DCHS2: variants seen among roughly 807,000 people sequenced by gnomAD.
DCHS2 encodes the protein dachsous cadherin-related 2.
Under a neutral mutation model 182.4 loss-of-function variants are expected in DCHS2, and 142 were observed. The observed-to-expected ratio is 0.78, with a 90% CI of 0.68 to 0.89. DCHS2 has a LOEUF of 0.89. Ranked by LOEUF, DCHS2 falls within the 40% of genes least tolerant of loss-of-function variation. The probability of loss-of-function intolerance (pLI) is 0.00; values close to 1 mark genes in which losing one functional copy is unlikely to be tolerated. For synonymous variants in DCHS2, 1,740 were observed against 1,663.3 expected (o/e 1.05, Z -1.12); for missense variants, 4,319 against 4,198.6 (o/e 1.03, Z -0.79).
At chr4:154,460,000 A>G (rs1734946927) in intron 1 of DCHS2, among the ~76,000 whole-genome samples, 1 of 152,144 alleles carries the variant, frequency 6.6e-6, no homozygotes, top group Admixed American at 6.5e-5. Context: ...CTGCATTGTA[A>G]CCAATATTAT....
intron 17 of DCHS2, among the ~76,000 whole-genome samples, chr4:154,241,599 A>C (rs1483822931): frequency 6.6e-6 from 1 of 152,138 alleles, no homozygotes; most frequent in Non-Finnish European, 1.5e-5. Context: ...TTGTATATGA[A>C]ACCCATAATT....
At chr4:154,251,820 G>C (rs1245557080) in intron 16 of DCHS2, among the ~76,000 whole-genome samples, 1 of 152,068 alleles carries the variant, frequency 6.6e-6, no homozygotes, top group Non-Finnish European at 1.5e-5. Context: ...CACCTGGCCA[G>C]GACTCGATTT....
chr4:154,399,225 C>A (rs1732056641), intron 1 of DCHS2, among the ~76,000 whole-genome samples: 1 of 152,166 alleles, frequency 6.6e-6, no homozygotes, highest in Non-Finnish European at 1.5e-5. Context: ...TTCCCAGAAC[C>A]TTTAAGAATA....
chr4:154,424,274 A>G (rs964662489), intron 1 of DCHS2, among the ~76,000 whole-genome samples: 1 of 152,224 alleles, frequency 6.6e-6, no homozygotes, highest in Non-Finnish European at 1.5e-5. Flanking sequence ...TATAAGTACA[A>G]TACGTTACTA....
At chr4:154,336,915 G>A (rs1244228951) in intron 3 of DCHS2, among the ~76,000 whole-genome samples, 1 of 152,104 alleles carries the variant, frequency 6.6e-6, no homozygotes, top group Admixed American at 6.5e-5. Context: ...GATAACCAAA[G>A]TGAACAAACT....
At chr4:154,453,593 T>C (rs1173245226) in intron 1 of DCHS2, among the ~76,000 whole-genome samples, 1 of 152,164 alleles carries the variant, frequency 6.6e-6, no homozygotes, top group Non-Finnish European at 1.5e-5. Context: ...CAGTCTTTGC[T>C]GTAGAGGACC....
intron 10 of DCHS2, among the ~76,000 whole-genome samples, chr4:154,308,604 A>T (rs1169460425): frequency 6.6e-6 from 1 of 152,220 alleles, no homozygotes; most frequent in African/African-American, 2.4e-5. Flanking sequence ...CTAGAGTGGA[A>T]GATGATTAAA....
At chr4:154,448,008 C>T (rs1286593927) in intron 1 of DCHS2, among the ~76,000 whole-genome samples, 1 of 152,154 alleles carries the variant, frequency 6.6e-6, no homozygotes, top group African/African-American at 2.4e-5. Context: ...TTCAAACTAC[C>T]TCAGTCCTGT....
intron 4 of DCHS2, 138 bp from the exon 5 acceptor site, chr4:154,333,632 T>A (rs571064843): frequency 1.2e-6 from 1 of 820,902 alleles, no homozygotes; most frequent in South Asian, 1.9e-5. Context: ...CTATGATGGT[T>A]CCGTAAGATT....
chr4:154,318,352 G>A (rs1267499547), intron 9 of DCHS2, among the ~76,000 whole-genome samples: 1 of 151,796 alleles, frequency 6.6e-6, no homozygotes, highest in Non-Finnish European at 1.5e-5. Flanking sequence ...TTAAATATAA[G>A]CAAGCGATGA....
chr4:154,399,439 G>A (rs2110867410), intron 1 of DCHS2, among the ~76,000 whole-genome samples: 1 of 152,312 alleles, frequency 6.6e-6, no homozygotes, highest in East Asian at 1.9e-4. Flanking sequence ...TCTGAGACAT[G>A]CCTCACTGGT....
intron 14 of DCHS2, chr4:154,261,773 T>C (rs1732997379): frequency 6.6e-6 from 1 of 152,242 alleles, no homozygotes; most frequent in Non-Finnish European, 1.5e-5. Context: ...AATTTAGTTA[T>C]CAATTTAGTA....
chr4:154,319,267 G>T (rs1735965423), intron 9 of DCHS2, among the ~76,000 whole-genome samples: 1 of 152,040 alleles, frequency 6.6e-6, no homozygotes, highest in Non-Finnish European at 1.5e-5. Flanking sequence ...AGAGGGGAAA[G>T]CTTTGTGAAG....
intron 13 of DCHS2, among the ~76,000 whole-genome samples, chr4:154,290,880 G>A (rs951946772): frequency 6.6e-6 from 1 of 151,990 alleles, no homozygotes; most frequent in African/African-American, 2.4e-5. Flanking sequence ...TGGAGTGGGA[G>A]TAGATTTCTT....
Position 154,234,866 on chromosome 4 carries a change from C to A in DCHS2, c.9786G>T (p.Leu3262Phe), listed in dbSNP as rs146840391. 10 of 1,613,930 alleles carry A rather than the reference C, an allele frequency of 6.2e-6. No individual in the cohort carries two copies. In the African/African-American group the frequency reaches 1.3e-4, roughly 22 times the overall value. ...TCTCTTTTGGAATGCCAGGCATATGCAAATGTTCATCCTTTAGTTTTGCAA... is the reference window on the plus strand; with the variant it reads ...TCTCTTTTGGAATGCCAGGCATATGAAAATGTTCATCCTTTAGTTTTGCAA... ...NDIAKLKDEH[L>F]HMPGIPKEKK... is the part of the protein sequence containing the mutation. The change falls in exon 20 of 20, where the codon TTG (leucine) becomes TTT (phenylalanine). Residue 3262 changes from leucine to phenylalanine, a missense_variant. Coordinates refer to ENST00000357232, the MANE Select transcript of DCHS2 (RefSeq NM_001358235.2).
intron 3 of DCHS2, among the ~76,000 whole-genome samples, chr4:154,338,772 T>A: frequency 6.6e-6 from 1 of 152,134 alleles, no homozygotes; most frequent in East Asian, 1.9e-4. Context: ...AATATACATG[T>A]TTTCATCTAG....
chr4:154,237,970 A>T (rs370028284), intron 19 of DCHS2, among the ~76,000 whole-genome samples: 1 of 152,298 alleles, frequency 6.6e-6, no homozygotes. Context: ...TAAACATTTA[A>T]TGTTTTAAAA....
At chr4:154,437,535 C>A (rs12504201) in intron 1 of DCHS2, among the ~76,000 whole-genome samples, 46,589 of 152,034 alleles carry the variant, frequency 0.31, 8,948 homozygotes, top group East Asian at 0.7. Flanking sequence ...TTTAATCAAG[C>A]AATATAAATA....
chr4:154,405,348 C>T (rs2110880433), intron 1 of DCHS2, among the ~76,000 whole-genome samples: 1 of 151,504 alleles, frequency 6.6e-6, no homozygotes, highest in East Asian at 1.9e-4. Context: ...GTGTATTTTT[C>T]CTTTTATTTT....
Sources: gnomAD v4.1 joint callset for allele counts (sites outside exome capture counted in the v4.1 genomes callset) on GRCh38, gnomAD v4.1.1 for gene constraint, MANE v1.5 for transcripts, NCBI Gene and HGNC (gene_info 2026-07-23, HGNC 2026-07-21) for gene names.